Variants in THEMIS observed in about 807,000 individuals in gnomAD.
The protein encoded by THEMIS is thymocyte selection associated.
In THEMIS, 37 loss-of-function variants were observed where a neutral mutation model predicts 52.6. The observed-to-expected ratio is 0.70, with a 90% CI of 0.54 to 0.93. THEMIS has a LOEUF of 0.93. Ranked by LOEUF, THEMIS falls within the 40% of genes least tolerant of loss-of-function variation. THEMIS has a pLI of 0.00. For synonymous variants in THEMIS, 292 were observed against 272.7 expected (o/e 1.07, Z -0.70); for missense variants, 808 against 763.1 (o/e 1.06, Z -0.69).
rs1409005960 is a variant in THEMIS, at chr6:127,762,362, G to A, written c.1759-42539C>T. Among the ~76,000 whole-genome samples the A allele has an allele frequency of 2.6e-5, 4 of 151,918 alleles. No individual in the cohort carries two copies. The East Asian group carries it at 5.8e-4, about 22-fold the overall frequency. Reference sequence around the variant, plus strand: ...TATTCAACAATATTATATTGTATAGGTAAAAATTTGTTACAATGATAGATC... The same window carrying A: ...TATTCAACAATATTATATTGTATAGATAAAAATTTGTTACAATGATAGATC... On this transcript the variant is annotated intron_variant, in intron 4 of 5. Transcript: ENST00000368248.
intron 4 of THEMIS, among the ~76,000 whole-genome samples, chr6:127,763,661 T>C (rs1368850373): frequency 2.6e-5 from 4 of 152,022 alleles, no homozygotes; most frequent in African/African-American, 9.7e-5. Context: ...TTTCTCTTCA[T>C]ATAAAACTAC....
At chr6:127,870,063 C>T (rs1780109097) in intron 1 of THEMIS, among the ~76,000 whole-genome samples, 1 of 152,134 alleles carries the variant, frequency 6.6e-6, no homozygotes, top group Non-Finnish European at 1.5e-5. Flanking sequence ...TTCCCCAACC[C>T]CTGTCAGGGA....
At chr6:127,794,904 T>C (rs983554560) in intron 4 of THEMIS, among the ~76,000 whole-genome samples, 1 of 152,234 alleles carries the variant, frequency 6.6e-6, no homozygotes, top group Non-Finnish European at 1.5e-5. Context: ...TCAGACCATT[T>C]ACGGAGGTGT....
intron 4 of THEMIS, among the ~76,000 whole-genome samples, chr6:127,779,400 G>A (rs1776670461): frequency 6.6e-6 from 1 of 152,074 alleles, no homozygotes; most frequent in Non-Finnish European, 1.5e-5. Context: ...AGACATACAA[G>A]TAGGTTTTTC....
chr6:127,785,099 CATCT>C (rs926742153), intron 4 of THEMIS, among the ~76,000 whole-genome samples: 35 of 151,962 alleles, frequency 2.3e-4, no homozygotes, highest in Middle Eastern at 3.4e-3. Flanking sequence ...ACTTACCTGT[CATCT>C]ATCTACCTAC....
intron 4 of THEMIS, among the ~76,000 whole-genome samples, chr6:127,779,799 G>A (rs1005116446): frequency 1.3e-5 from 2 of 152,084 alleles, no homozygotes; most frequent in Non-Finnish European, 1.5e-5. Context: ...ATTTAGAAGA[G>A]ACCACCTGTA....
chr6:127,823,701 TC>T (rs919560168), intron 3 of THEMIS, among the ~76,000 whole-genome samples: 1 of 152,042 alleles, frequency 6.6e-6, no homozygotes, highest in African/African-American at 2.4e-5. Flanking sequence ...TAGCAACCAG[TC>T]CTTTGAGAGA....
At chr6:127,702,029 T>C in the THEMIS span, among the ~76,000 whole-genome samples, 2 of 152,158 alleles carry the variant, frequency 1.3e-5, no homozygotes, top group Non-Finnish European at 2.9e-5. Flanking sequence ...GGATTTTTTT[T>C]TCTGGACTTA....
At chr6:127,852,554 A>G (rs1313545137) in intron 2 of THEMIS, among the ~76,000 whole-genome samples, 1 of 151,598 alleles carries the variant, frequency 6.6e-6, no homozygotes, top group Non-Finnish European at 1.5e-5. Flanking sequence ...ATAAAATTAG[A>G]AATCAATAGC....
At chr6:127,884,870 C>A (rs1447160601) in intron 1 of THEMIS, among the ~76,000 whole-genome samples, 1 of 152,160 alleles carries the variant, frequency 6.6e-6, no homozygotes, top group Non-Finnish European at 1.5e-5. Flanking sequence ...GCTCACCTGG[C>A]CTCACATGGC....
chr6:127,711,267 A>G (rs1195446628), intron 5 of THEMIS, among the ~76,000 whole-genome samples: 2 of 152,098 alleles, frequency 1.3e-5, no homozygotes, highest in South Asian at 2.1e-4. Flanking sequence ...AAATGTAAAA[A>G]GACTAAAATT....
At chr6:127,779,308 T>C (rs1776666547) in intron 4 of THEMIS, among the ~76,000 whole-genome samples, 1 of 152,146 alleles carries the variant, frequency 6.6e-6, no homozygotes, top group Non-Finnish European at 1.5e-5. Flanking sequence ...TTCAGACACC[T>C]TCCCTTTAAC....
chr6:127,888,563 T>C (rs1018831131), intron 1 of THEMIS, among the ~76,000 whole-genome samples: 2 of 152,032 alleles, frequency 1.3e-5, no homozygotes, highest in Admixed American at 1.3e-4. Context: ...ACCATATTTC[T>C]CTCTGTTTGG....
At chr6:127,710,665 G>A (rs1773944349) in intron 5 of THEMIS, among the ~76,000 whole-genome samples, 1 of 151,954 alleles carries the variant, frequency 6.6e-6, no homozygotes, top group Non-Finnish European at 1.5e-5. Context: ...AGCAAGCTAC[G>A]CTACGAATAG....
upstream of THEMIS, among the ~76,000 whole-genome samples, chr6:127,905,827 T>C (rs1053075325): frequency 8.7e-6 from 1 of 115,140 alleles, no homozygotes; most frequent in Non-Finnish European, 2.2e-5. Flanking sequence ...AAATGGTAAA[T>C]GAATGATAAA....
chr6:127,746,820 ATAT>A (rs1775421262), intron 4 of THEMIS, among the ~76,000 whole-genome samples: 1 of 38,208 alleles, frequency 2.6e-5, no homozygotes, highest in Non-Finnish European at 3.9e-5. Context: ...ATATAATTAT[ATAT>A]TATTATATAA....
At position 127,813,344 on chromosome 6, in the gene THEMIS, C is replaced by T. The variant is rs1279803297; in HGVS notation, c.1297G>A (p.Gly433Ser). ...AALLPLYMEG[G>S]FVEVIHDKKQ... is the part of the protein sequence containing the mutation. ...TTATCATGAATCACCTCTACAAAAC[C>T]TCCTTCCATGTACAAAGGGAGCAGC... The change falls in exon 4 of 6, where the codon GGT (glycine) becomes AGT (serine). Residue 433 changes from glycine to serine, a missense_variant. Gly to Ser is a moderately conservative substitution (Grantham distance 56). Transcript: ENST00000368248. 1.9e-6 allele frequency: 3 copies of T among 1,614,104 alleles called. No individual in the cohort carries two copies. The highest frequency in any genetic ancestry group is 1.3e-5 in the African/African-American group (1 of 75,024).
intron 4 of THEMIS, among the ~76,000 whole-genome samples, chr6:127,753,753 G>T (rs1415587106): frequency 6.6e-6 from 1 of 152,030 alleles, no homozygotes; most frequent in Non-Finnish European, 1.5e-5. Context: ...TGATGGGAGG[G>T]TGAAGTGGGG....
In THEMIS at chr6:127,877,003, A is replaced by G. The variant is rs182454714; in HGVS notation, c.92-21815T>C. Among the ~76,000 whole-genome samples the G allele has an allele frequency of 9.9e-4, 151 of 152,338 alleles. No homozygotes were observed. The Middle Eastern group carries it at 0.01, about 10-fold the overall frequency. On this transcript the variant is annotated intron_variant, in intron 1 of 5. Transcript: ENST00000368248. ...TGGTTTCTCAGTGCATATAAAAATT[A>G]TATTTACAGTATACTGTAGTCTATT... is the stretch of plus-strand genomic sequence containing the variant.
Sources: gnomAD v4.1 joint callset for allele counts (sites outside exome capture counted in the v4.1 genomes callset) on GRCh38, gnomAD v4.1.1 for gene constraint, MANE v1.5 for transcripts, NCBI Gene and HGNC (gene_info 2026-07-23, HGNC 2026-07-21) for gene names.